CHD9: variants seen among roughly 807,000 people sequenced by gnomAD.
CHD9 encodes the protein chromodomain helicase DNA binding protein 9.
CHD9 carries 77 observed loss-of-function variants against 316.1 expected under a neutral mutation model. The observed-to-expected ratio is 0.24, with a 90% CI of 0.20 to 0.29. The LOEUF (loss-of-function observed/expected upper bound fraction) is 0.29, where lower values mean the gene tolerates loss of function less well. Among genes scored for constraint, CHD9 ranks in the 10% least tolerant of loss-of-function variants. The pLI is 1.00. For synonymous variants in CHD9, 1,129 were observed against 1,158.3 expected (o/e 0.97, Z 0.51); for missense variants, 2,763 against 3,438.1 (o/e 0.80, Z 4.91).
At chr16:53,306,422 A>G (rs761928804) in intron 32 of CHD9, 25 bp downstream of exon 32, 1 of 1,539,322 alleles carries the variant, frequency 6.5e-7, no homozygotes, top group Non-Finnish European at 8.7e-7. Context: ...TCTTATTGGG[A>G]TAGGTCATTT....
intron 19 of CHD9, among the ~76,000 whole-genome samples, chr16:53,256,381 C>CTTTTTTTTT (rs1163977563): frequency 5.0e-5 from 5 of 99,240 alleles, no homozygotes; most frequent in African/African-American, 1.2e-4. Flanking sequence ...TTTTTCTTTT[C>CTTTTTTTTT]TTTTTTTTTT....
chr16:53,198,575 C>T lies in CHD9; in HGVS notation c.1453-10907C>T, dbSNP rs549292289. Among the ~76,000 whole-genome samples, 328 of 152,198 alleles carry T rather than the reference C, an allele frequency of 2.2e-3. 2 individuals carry two copies. Among genetic ancestry groups the T allele is most frequent in the African/African-American group, 7.6e-3 (314 of 41,538 alleles). ...TCTCCTGACCTTGTGATCCGCCTGC[C>T]TCGGCCTCCCAAAGTGCTAGGATTA... On this transcript the variant is annotated intron_variant, in intron 2 of 38. Coordinates refer to ENST00000447540, the MANE Select transcript of CHD9 (RefSeq NM_001308319.2).
intron 38 of CHD9, among the ~76,000 whole-genome samples, chr16:53,322,918 T>C (rs545181099): frequency 1.3e-5 from 2 of 152,356 alleles, no homozygotes; most frequent in African/African-American, 4.8e-5. Context: ...GATGATTTTT[T>C]TAATATTTTT....
chr16:53,134,540 A>G (rs1419849833), intron 1 of CHD9, among the ~76,000 whole-genome samples: 2 of 152,152 alleles, frequency 1.3e-5, no homozygotes, highest in Non-Finnish European at 2.9e-5. Flanking sequence ...TGTGAATAAA[A>G]TCGTATCTTG....
intron 20 of CHD9, among the ~76,000 whole-genome samples, chr16:53,266,023 C>A (rs1334002702): frequency 2.7e-5 from 4 of 148,358 alleles, no homozygotes; most frequent in African/African-American, 9.9e-5. Context: ...GGAAAAGGGA[C>A]AACTCTTTCT....
At chr16:53,103,326 C>A (rs2037058852) in intron 1 of CHD9, among the ~76,000 whole-genome samples, 1 of 152,024 alleles carries the variant, frequency 6.6e-6, no homozygotes, top group Non-Finnish European at 1.5e-5. Context: ...AGCCACCATG[C>A]CCAGCTTAGC....
chr16:53,105,921 C>T (rs2037312290), intron 1 of CHD9, among the ~76,000 whole-genome samples: 1 of 151,288 alleles, frequency 6.6e-6, no homozygotes, highest in Non-Finnish European at 1.5e-5. Flanking sequence ...GTCCTGGGTT[C>T]AAGCAATTCT....
rs140944473 is a variant in CHD9 at position 53,237,045 on chromosome 16, C to T, written c.2634-1298C>T. 1.6e-3 allele frequency among the ~76,000 whole-genome samples: 237 copies of T among 152,202 alleles called. 2 individuals carry two copies. The highest frequency in any genetic ancestry group is 5.5e-3 in the African/African-American group (230 of 41,540). On this transcript the variant is annotated intron_variant, in intron 11 of 38. Coordinates refer to ENST00000447540, the MANE Select transcript of CHD9 (RefSeq NM_001308319.2). ...CATATTTTTATTTGCCTCTTGCTAC[C>T]TGAGTGTCTATCTCAATGATTCTTT...
intron 1 of CHD9, among the ~76,000 whole-genome samples, chr16:53,145,845 C>T (rs1045930191): frequency 2.6e-5 from 4 of 151,944 alleles, no homozygotes; most frequent in Admixed American, 6.6e-5. Flanking sequence ...AACAATCGTA[C>T]GTGGGCCATA....
chr16:53,277,378 A>T (rs887981860), intron 24 of CHD9, among the ~76,000 whole-genome samples: 1 of 152,236 alleles, frequency 6.6e-6, no homozygotes, highest in African/African-American at 2.4e-5. Context: ...AGCTAACTGA[A>T]TCCAGCAACG....
intron 1 of CHD9, among the ~76,000 whole-genome samples, chr16:53,073,271 A>G (rs543751849): frequency 9.9e-5 from 15 of 152,202 alleles, no homozygotes; most frequent in Non-Finnish European, 1.9e-4. Context: ...ACTTAGCGTG[A>G]TGACCTCAAG....
chr16:53,100,456 T>A (rs2036761085), intron 1 of CHD9, among the ~76,000 whole-genome samples: 1 of 149,646 alleles, frequency 6.7e-6, no homozygotes, highest in Non-Finnish European at 1.5e-5. Context: ...CATTCGTCTT[T>A]TTTTTTTTTT....
At position 53,067,447 on chromosome 16, in the gene CHD9, CT is replaced by C. The variant is rs571759798; in HGVS notation, c.-165+12379del. Among the ~76,000 whole-genome samples the C allele has an allele frequency of 4.0e-3, 605 of 151,564 alleles. 4 individuals carry two copies. The highest frequency in any genetic ancestry group is 6.8e-3 in the Middle Eastern group (2 of 294). On this transcript the variant is annotated intron_variant, in intron 1 of 38. Coordinates refer to ENST00000447540, the MANE Select transcript of CHD9 (RefSeq NM_001308319.2). ...CCAGAATACCAAATTACATTTATAT[CT>C]TTTTTTTTATACCAACAAAAATGGG...
chr16:53,136,958 T>C (rs755265397), intron 1 of CHD9, among the ~76,000 whole-genome samples: 2 of 152,160 alleles, frequency 1.3e-5, no homozygotes, highest in African/African-American at 2.4e-5. Flanking sequence ...AACATTATTT[T>C]TGTGAGACTA....
chr16:53,133,061 A>G (rs1274141049), intron 1 of CHD9, among the ~76,000 whole-genome samples: 2 of 152,180 alleles, frequency 1.3e-5, no homozygotes, highest in African/African-American at 2.4e-5. Context: ...AGAGTTTCCT[A>G]TAAACTATAG....
Position 53,263,113 on chromosome 16 carries a change from C to G in CHD9, c.4320+16C>G, listed in dbSNP as rs756847331. The G allele has an allele frequency of 6.4e-7, 1 of 1,570,036 alleles. No homozygotes were observed. The highest frequency in any genetic ancestry group is 1.4e-5 in the African/African-American group (1 of 73,664). Reference sequence around the variant, plus strand: ...CAGTGGCAGAGTAAGTATTTTTATCCCTCTAAAATAAACTTGCTTTTGGGA... The same window carrying G: ...CAGTGGCAGAGTAAGTATTTTTATCGCTCTAAAATAAACTTGCTTTTGGGA... On this transcript the variant is annotated intron_variant, in intron 20 of 38. Coordinates refer to ENST00000447540, the MANE Select transcript of CHD9 (RefSeq NM_001308319.2).
intron 34 of CHD9, chr16:53,311,580 A>G (rs1050537224): frequency 1.3e-5 from 2 of 152,208 alleles, no homozygotes; most frequent in African/African-American, 4.8e-5. Flanking sequence ...TGCCTTTTGT[A>G]TTCTTGTGTA....
chr16:53,304,693 C>CTTTTTTT, intron 31 of CHD9, 68 bp downstream of exon 31: 2 of 769,150 alleles, frequency 2.6e-6, no homozygotes, highest in East Asian at 4.8e-5. Flanking sequence ...CTTTTCTTTT[C>CTTTTTTT]TTTTTTTTTT....
At chr16:53,063,525 T>TTTTTTA (rs1222769145) in intron 1 of CHD9, among the ~76,000 whole-genome samples, 1 of 151,956 alleles carries the variant, frequency 6.6e-6, no homozygotes. Context: ...TTTTCTTTAT[T>TTTTTTA]TTTTTATTTT....
Sources: gnomAD v4.1 joint callset for allele counts (sites outside exome capture counted in the v4.1 genomes callset) on GRCh38, gnomAD v4.1.1 for gene constraint, MANE v1.5 for transcripts, NCBI Gene and HGNC (gene_info 2026-07-23, HGNC 2026-07-21) for gene names.